The following SLC39A6 variants were observed in gnomAD, a reference collection of about 807,000 sequenced individuals.
SLC39A6 encodes solute carrier family 39 member 6.
A neutral mutation model predicts 63.5 loss-of-function variants in SLC39A6; 51 were observed. The observed-to-expected ratio is 0.80, with a 90% CI of 0.64 to 1.01. The LOEUF is 1.01. SLC39A6 is among the 50% of genes least tolerant of loss of function. The pLI, the probability that SLC39A6 is intolerant of heterozygous loss-of-function variation, is 0.00. For missense variants in SLC39A6, 805 were observed against 927.8 expected, an observed-to-expected ratio of 0.87 and a Z score of 1.72; for synonymous variants, 318 against 324.7, an observed-to-expected ratio of 0.98 and a Z score of 0.22.
chr18:36,128,644 C>CA (rs1191342818), intron 1 of SLC39A6, among the ~76,000 whole-genome samples: 2 of 152,142 alleles, frequency 1.3e-5, no homozygotes, highest in Non-Finnish European at 2.9e-5. Context: ...GCACAGGGGA[C>CA]AGCTCCGAGC....
chr18:36,116,997 G>C (rs1230292585), intron 5 of SLC39A6, among the ~76,000 whole-genome samples: 1 of 152,216 alleles, frequency 6.6e-6, no homozygotes, highest in African/African-American at 2.4e-5. Flanking sequence ...GCAGCACTTT[G>C]GGAGGCCAAG....
At position 36,109,614 on chromosome 18, in the gene SLC39A6, G is replaced by A. The variant is rs747730811; in HGVS notation, c.2247C>T (p.Ile749=). Residue 749 remains isoleucine, a synonymous_variant, in exon 10 of 10, where the codon ATC becomes ATT. Transcript: ENST00000269187. The part of the protein sequence containing the change: ...MLLISIFEHK[I]VFRINF ...TTAACTAGAAATTTATACGAAACACGATTTTATGTTCAAATATGGAAATAA... is the reference window on the plus strand; with the variant it reads ...TTAACTAGAAATTTATACGAAACACAATTTTATGTTCAAATATGGAAATAA... The A allele has an allele frequency of 4.4e-5, 71 of 1,607,092 alleles. No individual in the cohort carries two copies. The highest frequency in any genetic ancestry group is 1.0e-4 in the Admixed American group (6 of 59,198).
chr18:36,123,744 T>C lies in SLC39A6; in HGVS notation c.971-80A>G, dbSNP rs58847164. On this transcript the variant is annotated intron_variant, in intron 3 of 9. Transcript: ENST00000269187. ...CAAGAAAGACTTTTGGAGAGTAGCA[T>C]AAAGCAACACGTAAAAGGAGAGAAG... is the stretch of plus-strand genomic sequence containing the variant. 808 of 1,364,520 alleles carry C rather than the reference T, an allele frequency of 5.9e-4. 4 individuals are homozygous for C. In the African/African-American group the frequency reaches 0.011, roughly 18 times the overall value. The allele number at this position is 1,364,520 out of a possible 1,614,324, so 84.5% of individuals were successfully genotyped here.
rs2089278049 is a variant in SLC39A6 at position 36,108,571 on chromosome 18, TC to T, written c.*1021del. On this transcript the variant is annotated 3_prime_UTR_variant, in exon 10 of 10. Transcript: ENST00000269187. ...GAATTTATTGTGTAAAAAAGAAACA[TC>T]TAGAGAATGCCACAGACAGGCCTAG... 1 of 152,088 alleles carries T rather than the reference TC, an allele frequency of 6.6e-6. No homozygotes were observed. The highest frequency in any genetic ancestry group is 6.5e-5 in the Admixed American group (1 of 15,270). 9.4% of individuals were successfully genotyped at this position (152,088 alleles called of 1,614,324 possible).
chr18:36,118,071 A>G (rs574716672), intron 5 of SLC39A6, among the ~76,000 whole-genome samples: 2 of 152,048 alleles, frequency 1.3e-5, no homozygotes, highest in East Asian at 3.9e-4. Flanking sequence ...AAATCTTTAC[A>G]CTTATCCTGA....
chr18:36,123,669 C>CAAACA lies in SLC39A6; in HGVS notation c.971-10_971-6dup, dbSNP rs536100329. On this transcript the variant is annotated splice_polypyrimidine_tract_variant and splice_region_variant and intron_variant, in intron 3 of 9. Transcript: ENST00000269187. ...CTATAAAACCACCAACCCAGGCTGT[C>CAAACA]AAACAAAACAAAACAGAGCAAAGAA... 4.2e-4 allele frequency: 676 copies of CAAACA among 1,593,998 alleles called. 6 individuals carry two copies. The African/African-American group carries it at 8.3e-3, about 20-fold the overall frequency.
intron 3 of SLC39A6, 113 bp downstream of exon 3, chr18:36,124,407 G>A: frequency 1.7e-6 from 1 of 599,424 alleles, no homozygotes; most frequent in Admixed American, 3.1e-5. Flanking sequence ...GAACAACTAA[G>A]ATGACATATT....
chr18:36,119,654 T>A (rs1399585339), intron 5 of SLC39A6, among the ~76,000 whole-genome samples: 1 of 151,896 alleles, frequency 6.6e-6, no homozygotes, highest in East Asian at 1.9e-4. Context: ...AAAGAAAAAA[T>A]TATTCTGTGT....
At chr18:36,117,550 C>G (rs538542278) in intron 5 of SLC39A6, among the ~76,000 whole-genome samples, 1 of 152,030 alleles carries the variant, frequency 6.6e-6, no homozygotes, top group Non-Finnish European at 1.5e-5. Flanking sequence ...GTAAAGGTCA[C>G]TGTTTGAACA....
rs779280924 is a variant in SLC39A6 at position 36,126,200 on chromosome 18, T to C, written c.789+19A>G. ...CAGACACACAGGTATATTAAAATAA[T>C]GAACAGCACTCATCTTACCTCCTGA... is the stretch of plus-strand genomic sequence containing the variant. On this transcript the variant is annotated intron_variant, in intron 2 of 9. Coordinates refer to ENST00000269187, the MANE Select transcript of SLC39A6 (RefSeq NM_012319.4). 2 of 1,602,140 alleles carry C rather than the reference T, an allele frequency of 1.2e-6. No individual in the cohort carries two copies. Among genetic ancestry groups the C allele is most frequent in the Non-Finnish European group, 1.7e-6 (2 of 1,171,712 alleles).
At chr18:36,118,060 C>T (rs907238418) in intron 5 of SLC39A6, among the ~76,000 whole-genome samples, 1 of 150,482 alleles carries the variant, frequency 6.6e-6, no homozygotes. Context: ...AACACACACA[C>T]AAATCTTTAC....
At chr18:36,112,647 G>T in intron 7 of SLC39A6, 66 bp from the exon 8 acceptor site, 2 of 1,155,586 alleles carry the variant, frequency 1.7e-6, no homozygotes, top group Non-Finnish European at 2.6e-6. Flanking sequence ...TTATCAGTAT[G>T]CAAAATGAGG....
intron 9 of SLC39A6, 48 bp from the exon 10 acceptor site, chr18:36,109,793 A>G (rs755561627): frequency 6.6e-7 from 1 of 1,524,328 alleles, no homozygotes; most frequent in Non-Finnish European, 9.0e-7. Flanking sequence ...AAGTTTTTAG[A>G]ACTACAGATT....
chr18:36,110,439 A>T (rs2089291834), intron 9 of SLC39A6, among the ~76,000 whole-genome samples: 1 of 150,812 alleles, frequency 6.6e-6, no homozygotes, highest in Admixed American at 6.6e-5. Context: ...AACAATCCAA[A>T]AAAAAAAAAA....
intron 5 of SLC39A6, among the ~76,000 whole-genome samples, chr18:36,117,547 T>C (rs1484136678): frequency 6.7e-6 from 1 of 149,026 alleles, no homozygotes; most frequent in East Asian, 1.9e-4. Flanking sequence ...TGTGTAAAGG[T>C]CACTGTTTGA....
At chr18:36,127,882 G>C (rs1439336256) in intron 1 of SLC39A6, among the ~76,000 whole-genome samples, 1 of 151,158 alleles carries the variant, frequency 6.6e-6, no homozygotes, top group Non-Finnish European at 1.5e-5. Context: ...CAAAGTGCTG[G>C]GATTACAGGC....
chr18:36,109,673 C>A lies in SLC39A6; in HGVS notation c.2188G>T (p.Ala730Ser), dbSNP rs777389372. Residue 730 changes from alanine to serine, a missense_variant, in exon 10 of 10, where the codon GCT (alanine) becomes TCT (serine). Physicochemically the swap from Ala to Ser is moderately conservative, Grantham distance 99 (BLOSUM62 1). This residue lies in a region of SLC39A6 where 145 missense variants were observed against 227.2 expected (regional missense o/e 0.64). Transcript: ENST00000269187. ...ATTCCAAAACCCAAAAGCATCCCAG[C>A]ATTCTGTAAAAAGAAATACCCCCAG... ...SRWGYFFLQNAGMLLGFGIML... is the reference protein window; with the variant it reads ...SRWGYFFLQNSGMLLGFGIML... 6.2e-7 allele frequency: 1 copy of A among 1,612,026 alleles called. No individual in the cohort carries two copies. The highest frequency in any genetic ancestry group is 8.5e-7 in the Non-Finnish European group (1 of 1,178,358).
chr18:36,118,874 T>C (rs1383033545), intron 5 of SLC39A6, among the ~76,000 whole-genome samples: 1 of 152,174 alleles, frequency 6.6e-6, no homozygotes, highest in Non-Finnish European at 1.5e-5. Flanking sequence ...GAAGTAACCA[T>C]GGCCTGGACT....
intron 2 of SLC39A6, 37 bp downstream of exon 2, chr18:36,126,182 A>G: frequency 6.5e-7 from 1 of 1,547,148 alleles, no homozygotes; most frequent in Middle Eastern, 1.7e-4. Flanking sequence ...GGACAGACAC[A>G]CAGGTATATT....
Sources: gnomAD v4.1 joint callset for allele counts (sites outside exome capture counted in the v4.1 genomes callset) on GRCh38, gnomAD v4.1.1 for gene constraint, gnomAD v4.1.1 regional missense constraint, MANE v1.5 for transcripts, NCBI Gene and HGNC (gene_info 2026-07-23, HGNC 2026-07-21) for gene names.